The following KIF1B variants were observed in gnomAD, a reference collection of about 807,000 sequenced individuals.
KIF1B encodes the protein kinesin-like protein KIF1B.
In KIF1B, 76 loss-of-function variants were observed where a neutral mutation model predicts 241.9. The observed-to-expected ratio is 0.31, with a 90% CI of 0.26 to 0.38. The LOEUF is 0.38. Among genes scored for constraint, KIF1B ranks in the 10% least tolerant of loss-of-function variants. KIF1B has a pLI of 1.00. For missense variants in KIF1B, 1,622 were observed against 2,271.4 expected (o/e 0.71, Z 5.81); for synonymous variants, 750 against 796.7 (o/e 0.94, Z 0.99).
chr1:10,366,481 T>C (rs148036424), intron 43 of KIF1B, among the ~76,000 whole-genome samples: 2,579 of 148,746 alleles, frequency 0.017, 81 homozygotes, highest in African/African-American at 0.06. Context: ...CAGCGGTGTC[T>C]TGCGTGATCA....
intron 24 of KIF1B, 23 bp from the exon 25 acceptor site, chr1:10,323,861 A>G (rs1411957794): frequency 6.2e-7 from 1 of 1,606,986 alleles, no homozygotes; most frequent in Admixed American, 1.7e-5. Context: ...ACCATTTGTC[A>G]ATGGTTTATT....
chr1:10,293,375 A>G (rs1423647841), intron 17 of KIF1B, among the ~76,000 whole-genome samples: 2 of 149,890 alleles, frequency 1.3e-5, no homozygotes, highest in Non-Finnish European at 3.0e-5. Flanking sequence ...ATCTTACAGT[A>G]TTAAAGACTG....
intron 22 of KIF1B, among the ~76,000 whole-genome samples, chr1:10,313,385 G>T (rs146833967): frequency 1.3e-5 from 2 of 150,722 alleles, no homozygotes; most frequent in South Asian, 4.2e-4. Context: ...TCTTTATAAG[G>T]TTATTGAGAA....
chr1:10,217,642 A>G (rs1646787004), intron 1 of KIF1B, among the ~76,000 whole-genome samples: 2 of 151,952 alleles, frequency 1.3e-5, no homozygotes, highest in Non-Finnish European at 2.9e-5. Flanking sequence ...TCTGCCTGGA[A>G]TACTTTTCCC....
chr1:10,375,906 C>T (rs1638874756), intron 48 of KIF1B, among the ~76,000 whole-genome samples: 1 of 147,360 alleles, frequency 6.8e-6, no homozygotes, highest in Non-Finnish European at 1.5e-5. Flanking sequence ...AAGCCATTCT[C>T]CTGCCTCAGT....
intron 2 of KIF1B, among the ~76,000 whole-genome samples, chr1:10,247,880 A>G (rs1647253736): frequency 6.6e-6 from 1 of 152,142 alleles, no homozygotes; most frequent in Non-Finnish European, 1.5e-5. Context: ...GTTCCATCTC[A>G]GATCATCAGA....
At chr1:10,353,527 C>G (rs562081712) in intron 38 of KIF1B, among the ~76,000 whole-genome samples, 1 of 152,258 alleles carries the variant, frequency 6.6e-6, no homozygotes, top group East Asian at 1.9e-4. Context: ...GCGGCTGCCT[C>G]TTCTAATGTG....
chr1:10,263,287 T>A (rs865995092), intron 5 of KIF1B, among the ~76,000 whole-genome samples: 6,090 of 144,886 alleles, frequency 0.042, 157 homozygotes, highest in Middle Eastern at 0.075. Flanking sequence ...AAAATAATAA[T>A]AATAAATAAA....
chr1:10,227,559 G>T (rs777337906), intron 1 of KIF1B, among the ~76,000 whole-genome samples: 17 of 152,116 alleles, frequency 1.1e-4, no homozygotes, highest in Non-Finnish European at 2.2e-4. Flanking sequence ...TTCATTTTAA[G>T]GGGAGTGGGG....
chr1:10,250,933 C>A (rs1045693414), intron 2 of KIF1B, among the ~76,000 whole-genome samples: 1 of 152,084 alleles, frequency 6.6e-6, no homozygotes, highest in East Asian at 1.9e-4. Flanking sequence ...GATGCCGAGG[C>A]GGGTGGATCA....
At chr1:10,339,966 G>A in intron 32 of KIF1B, 107 bp downstream of exon 32, 6 of 928,872 alleles carry the variant, frequency 6.5e-6, no homozygotes, top group Non-Finnish European at 1.0e-5. Flanking sequence ...CTGTGCAGGG[G>A]GAGAGTAGAC....
At chr1:10,274,637 A>G (rs1649003646) in intron 10 of KIF1B, among the ~76,000 whole-genome samples, 1 of 152,236 alleles carries the variant, frequency 6.6e-6, no homozygotes, top group Admixed American at 6.5e-5. Context: ...AAGTAAATTC[A>G]CTAACTAGAT....
intron 22 of KIF1B, chr1:10,304,116 T>G (rs764032858): frequency 6.8e-6 from 11 of 1,613,930 alleles, no homozygotes; most frequent in Non-Finnish European, 9.3e-6. Flanking sequence ...CTGGGACACA[T>G]ATCATCATAA....
At chr1:10,233,622 T>A (rs1647010595) in intron 2 of KIF1B, among the ~76,000 whole-genome samples, 1 of 152,072 alleles carries the variant, frequency 6.6e-6, no homozygotes, top group Non-Finnish European at 1.5e-5. Context: ...TGAAAAATTG[T>A]CAAAGAAAAA....
At chr1:10,323,292 A>G (rs1651594380) in intron 24 of KIF1B, among the ~76,000 whole-genome samples, 1 of 152,170 alleles carries the variant, frequency 6.6e-6, no homozygotes, top group Admixed American at 6.5e-5. Context: ...GTTCTCTGGT[A>G]TAAATTCTAT....
rs111244208 is a variant in KIF1B at position 10,336,218 on chromosome 1, G to A, written c.3044-439G>A. On this transcript the variant is annotated intron_variant, in intron 28 of 48. Transcript: ENST00000676179. ...GGCTGGAGTGCAGTGGTGCAATCTC[G>A]GCTCACTGCAACCTCCGCCTCCCGG... Among the ~76,000 whole-genome samples the A allele has an allele frequency of 5.0e-3, 763 of 152,192 alleles. 7 individuals carry two copies. The highest frequency in any genetic ancestry group is 0.017 in the African/African-American group (710 of 41,534).
In KIF1B at chr1:10,371,174, T is replaced by C. The variant is rs1638722137; in HGVS notation, c.4858T>C (p.Ser1620Pro). 1 of 1,614,140 alleles carries C rather than the reference T, an allele frequency of 6.2e-7. No homozygotes were observed. Among genetic ancestry groups the C allele is most frequent in the East Asian group, 2.2e-5 (1 of 44,876 alleles). Residue 1620 changes from serine to proline, a missense_variant, in exon 45 of 49, where the codon TCT becomes CCT. Physicochemically the swap from Ser to Pro is moderately conservative, Grantham distance 74. This residue lies in a region of KIF1B where 357 missense variants were observed against 409.0 expected (regional missense o/e 0.87). Transcript: ENST00000676179. Reference sequence around the variant, plus strand: ...TATCTCTCCAATTGGACGGGATCCCTCTGAGTCCAGTTTCAGCAGTGCCAC... The same window carrying C: ...TATCTCTCCAATTGGACGGGATCCCCCTGAGTCCAGTTTCAGCAGTGCCAC... ...SDISPIGRDPSESSFSSATLT... is the reference protein window; with the variant it reads ...SDISPIGRDPPESSFSSATLT...
chr1:10,370,121 C>T (rs1301671624), intron 44 of KIF1B, among the ~76,000 whole-genome samples: 3 of 151,726 alleles, frequency 2.0e-5, no homozygotes, highest in Non-Finnish European at 4.4e-5. Flanking sequence ...GGCGTGGTGG[C>T]ACATGCCTGT....
intron 14 of KIF1B, among the ~76,000 whole-genome samples, chr1:10,281,332 CTAATGAAAGAAAG>C (rs775309206): frequency 2.1e-4 from 32 of 151,946 alleles, no homozygotes; most frequent in Non-Finnish European, 3.8e-4. Context: ...CAAAGGATGA[CTAATGAAAGAAAG>C]TAATGAAAGA....
Sources: allele counts gnomAD v4.1 joint callset (sites outside exome capture counted in the v4.1 genomes callset), GRCh38; gene constraint gnomAD v4.1.1; regional missense constraint gnomAD v4.1.1; transcripts MANE v1.5; gene names NCBI Gene and HGNC (gene_info 2026-07-23, HGNC 2026-07-21).